Variants in VAV3 observed in about 807,000 individuals in gnomAD.
VAV3 encodes guanine nucleotide exchange factor VAV3.
In VAV3, 94 loss-of-function variants were observed where a neutral mutation model predicts 131.2. The ratio of observed to expected loss-of-function variants is 0.72; its 90% CI spans 0.61 to 0.85. The LOEUF (loss-of-function observed/expected upper bound fraction) is 0.85, where lower values mean the gene tolerates loss of function less well. VAV3 is among the 40% of genes least tolerant of loss of function. VAV3 has a pLI of 0.00. For synonymous variants in VAV3, 349 were observed against 342.0 expected (o/e 1.02, Z -0.22); for missense variants, 939 against 1,002.7 (o/e 0.94, Z 0.86).
chr1:107,964,974 C>T lies in VAV3; in HGVS notation c.-105G>A, dbSNP rs1675362374. On this transcript the variant is annotated 5_prime_UTR_variant, in exon 1 of 27. Coordinates refer to ENST00000370056, the MANE Select transcript of VAV3 (RefSeq NM_006113.5). The stretch of plus-strand genomic sequence containing the variant: ...GCGCCCCGCCGACGCCAACAGCCGC[C>T]GGCCCTTTCCCCGCGCGGGATCGAG... 3.0e-6 allele frequency: 3 copies of T among 995,482 alleles called. No individual in the cohort carries two copies. Among genetic ancestry groups the T allele is most frequent in the Non-Finnish European group, 2.5e-6 (2 of 789,054 alleles). 61.7% of individuals were successfully genotyped at this position (995,482 alleles called of 1,614,324 possible). A position where few individuals can be genotyped will look rare whatever the true frequency, so the allele number is the denominator to read the frequency against.
intron 25 of VAV3, among the ~76,000 whole-genome samples, chr1:107,587,512 T>C (rs897528557): frequency 6.6e-6 from 1 of 152,212 alleles, no homozygotes; most frequent in African/African-American, 2.4e-5. Flanking sequence ...GGCTGTTATA[T>C]GAAAGCACTA....
chr1:107,896,758 G>C (rs1273747214), intron 1 of VAV3, among the ~76,000 whole-genome samples: 1 of 152,102 alleles, frequency 6.6e-6, no homozygotes, highest in Non-Finnish European at 1.5e-5. Flanking sequence ...ATGGCTACAG[G>C]AATGTCATGT....
chr1:107,771,549 G>A (rs1028908673), intron 5 of VAV3, among the ~76,000 whole-genome samples: 10 of 152,120 alleles, frequency 6.6e-5, no homozygotes, highest in East Asian at 1.9e-4. Flanking sequence ...TACCGCGCCC[G>A]GCCTGTTGTT....
chr1:107,660,333 T>C (rs1656917637), intron 19 of VAV3, among the ~76,000 whole-genome samples: 1 of 152,218 alleles, frequency 6.6e-6, no homozygotes, highest in Non-Finnish European at 1.5e-5. Flanking sequence ...TATATAATTG[T>C]TATTTTCATC....
chr1:107,727,872 A>G (rs375723402), intron 15 of VAV3, among the ~76,000 whole-genome samples: 2 of 152,212 alleles, frequency 1.3e-5, no homozygotes, highest in Non-Finnish European at 2.9e-5. Flanking sequence ...GACAAACTCA[A>G]TCTAAGGGGA....
intron 15 of VAV3, among the ~76,000 whole-genome samples, chr1:107,731,323 A>C (rs768760395): frequency 1.3e-5 from 2 of 152,210 alleles, no homozygotes; most frequent in Non-Finnish European, 2.9e-5. Flanking sequence ...AGGTGAAATG[A>C]AACTTTCAAT....
chr1:107,650,411 C>T (rs1656066487), intron 19 of VAV3, among the ~76,000 whole-genome samples: 1 of 151,966 alleles, frequency 6.6e-6, no homozygotes, highest in Admixed American at 6.6e-5. Context: ...CCTTAAAACT[C>T]ATATATAATT....
At chr1:107,676,100 G>T (rs1048284129) in intron 19 of VAV3, among the ~76,000 whole-genome samples, 1 of 152,132 alleles carries the variant, frequency 6.6e-6, no homozygotes, top group African/African-American at 2.4e-5. Flanking sequence ...CACAATAATA[G>T]ATGTACATTT....
At chr1:107,894,850 G>T (rs978708314) in intron 1 of VAV3, among the ~76,000 whole-genome samples, 1 of 152,138 alleles carries the variant, frequency 6.6e-6, no homozygotes, top group Non-Finnish European at 1.5e-5. Flanking sequence ...TGGTGTTCTG[G>T]TTGCCTGAAG....
rs1044998335 is a variant in VAV3, at chr1:107,779,295, G to A, written c.380+139C>T. Reference sequence around the variant, plus strand: ...TGCTCAATTAATTTCAAACGTGTACGGGATACTTACATACCAGGCACTCTT... The same window carrying A: ...TGCTCAATTAATTTCAAACGTGTACAGGATACTTACATACCAGGCACTCTT... On this transcript the variant is annotated intron_variant, in intron 3 of 26. Transcript: ENST00000370056. The A allele has an allele frequency of 4.0e-5, 23 of 581,178 alleles. No individual in the cohort carries two copies. In the Admixed American group the frequency reaches 4.6e-4, roughly 12 times the overall value. 36.0% of individuals were successfully genotyped at this position (581,178 alleles called of 1,614,324 possible). A position where few individuals can be genotyped will look rare whatever the true frequency, so the allele number is the denominator to read the frequency against.
At chr1:107,858,826 G>A (rs1250626794) in intron 2 of VAV3, among the ~76,000 whole-genome samples, 1 of 152,166 alleles carries the variant, frequency 6.6e-6, no homozygotes, top group Non-Finnish European at 1.5e-5. Context: ...ATGCTCCATA[G>A]AAATGAAATC....
At chr1:107,614,403 T>C (rs1290770921) in intron 21 of VAV3, among the ~76,000 whole-genome samples, 1 of 151,956 alleles carries the variant, frequency 6.6e-6, no homozygotes, top group African/African-American at 2.4e-5. Context: ...AGCAATACCA[T>C]TTTCTAAACT....
At chr1:107,897,516 G>A (rs1384877528) in intron 1 of VAV3, among the ~76,000 whole-genome samples, 1 of 151,878 alleles carries the variant, frequency 6.6e-6, no homozygotes, top group African/African-American at 2.4e-5. Context: ...AGGAGGAAGT[G>A]AGGCAGGAAA....
chr1:107,702,824 C>G (rs1034900047), intron 17 of VAV3, among the ~76,000 whole-genome samples: 4 of 151,150 alleles, frequency 2.6e-5, no homozygotes, highest in Non-Finnish European at 5.9e-5. Context: ...TGATTTTTCA[C>G]TATATCACCT....
intron 15 of VAV3, among the ~76,000 whole-genome samples, chr1:107,731,181 A>T (rs1020186375): frequency 6.6e-6 from 1 of 152,210 alleles, no homozygotes; most frequent in Non-Finnish European, 1.5e-5. Context: ...AGAATATTAA[A>T]ATGCTATGCA....
chr1:107,836,267 C>T (rs1402149302), intron 2 of VAV3, among the ~76,000 whole-genome samples: 1 of 152,086 alleles, frequency 6.6e-6, no homozygotes, highest in African/African-American at 2.4e-5. Context: ...CTAAGATTGA[C>T]CATATGTTTA....
At chr1:107,609,683 GC>G (rs1460419718) in intron 22 of VAV3, 8 of 401,520 alleles carry the variant, frequency 2.0e-5, no homozygotes, top group Non-Finnish European at 3.1e-5. Flanking sequence ...CCTTTCTGTG[GC>G]TGGTATAAAC....
chr1:107,817,227 A>C lies in VAV3; in HGVS notation c.322-37735T>G, dbSNP rs186142940. 2.0e-5 allele frequency among the ~76,000 whole-genome samples: 3 copies of C among 152,284 alleles called. No homozygotes were observed. In the East Asian group the frequency reaches 5.8e-4, roughly 29 times the overall value. ...ACAACTGGGCTGGTGGTTAACTCCTAAAGATGGTACTGGGGAACCTCGCAG... is the reference window on the plus strand; with the variant it reads ...ACAACTGGGCTGGTGGTTAACTCCTCAAGATGGTACTGGGGAACCTCGCAG... On this transcript the variant is annotated intron_variant, in intron 2 of 26. Coordinates refer to ENST00000370056, the MANE Select transcript of VAV3 (RefSeq NM_006113.5).
intron 2 of VAV3, among the ~76,000 whole-genome samples, chr1:107,870,110 T>C (rs1027898994): frequency 2.0e-5 from 3 of 152,178 alleles, no homozygotes; most frequent in African/African-American, 7.2e-5. Context: ...TGTGCAAGTA[T>C]CTTTTTCGTA....
Sources: allele counts gnomAD v4.1 joint callset (sites outside exome capture counted in the v4.1 genomes callset), GRCh38; gene constraint gnomAD v4.1.1; transcripts MANE v1.5; gene names NCBI Gene and HGNC (gene_info 2026-07-23, HGNC 2026-07-21).